REELD1: variants seen among roughly 807,000 people sequenced by gnomAD.
REELD1 encodes reelin domain-containing protein 1.
In REELD1, 12 loss-of-function variants were observed where a neutral mutation model predicts 6.3. That is an observed-to-expected ratio of 1.89 (90% CI 1.21 to 3.07). The LOEUF is 3.07. Among genes scored for constraint, REELD1 ranks in the 30% most tolerant of loss-of-function variants. REELD1 has a pLI of 0.00. For synonymous variants in REELD1, 57 were observed against 33.6 expected (o/e 1.70, Z -2.42); for missense variants, 163 against 86.8 (o/e 1.88, Z -3.49).
intron 3 of REELD1, 145 bp downstream of exon 3, chr4:146,217,305 ACTGTGTTGCC>A: frequency 5.1e-6 from 2 of 395,834 alleles, no homozygotes; most frequent in Non-Finnish European, 8.9e-6. Flanking sequence ...ATGGAGTCTC[ACTGTGTTGCC>A]CTGGCTGGTC....
intron 5 of REELD1, among the ~76,000 whole-genome samples, chr4:146,225,643 T>G (rs915268115): frequency 2.0e-5 from 3 of 152,196 alleles, no homozygotes; most frequent in Non-Finnish European, 4.4e-5. Context: ...GACATATGTT[T>G]GAAATCTCAT....
At chr4:146,229,357 C>T (rs1221176040) in intron 7 of REELD1, among the ~76,000 whole-genome samples, 3 of 152,216 alleles carry the variant, frequency 2.0e-5, no homozygotes, top group African/African-American at 7.2e-5. Flanking sequence ...TTCTCTCCTC[C>T]TCTATCCCTC....
chr4:146,225,630 C>T (rs965152737), intron 5 of REELD1, among the ~76,000 whole-genome samples: 10 of 152,158 alleles, frequency 6.6e-5, no homozygotes, highest in African/African-American at 1.9e-4. Flanking sequence ...ACCCTGCACC[C>T]CTGACATATG....
chr4:146,222,232 C>G, intron 3 of REELD1, 125 bp from the exon 4 acceptor site: 1 of 397,324 alleles, frequency 2.5e-6, no homozygotes, highest in Non-Finnish European at 4.4e-6. Flanking sequence ...ACTTTACCCC[C>G]CTCTAATGAA....
chr4:146,217,308 G>T, intron 3 of REELD1, 148 bp downstream of exon 3: 1 of 395,748 alleles, frequency 2.5e-6, no homozygotes, highest in Non-Finnish European at 4.4e-6. Context: ...GAGTCTCACT[G>T]TGTTGCCCTG....
chr4:146,231,702 C>G lies in REELD1; in HGVS notation c.*1189C>G, dbSNP rs1053989012. Reference sequence around the variant, plus strand: ...TTTGCGTATATCTTCACATTTAACTCTCACAAAAATTTAATGAGGAATAAG... The same window carrying G: ...TTTGCGTATATCTTCACATTTAACTGTCACAAAAATTTAATGAGGAATAAG... On this transcript the variant is annotated 3_prime_UTR_variant, in exon 8 of 8. Transcript: ENST00000623665. 4.6e-5 allele frequency among the ~76,000 whole-genome samples: 7 copies of G among 152,192 alleles called. No homozygotes were observed. Among genetic ancestry groups the G allele is most frequent in the African/African-American group, 7.2e-5 (3 of 41,452 alleles).
At chr4:146,217,407 T>A (rs1189167056) in intron 3 of REELD1, among the ~76,000 whole-genome samples, 1 of 142,298 alleles carries the variant, frequency 7.0e-6, no homozygotes, top group Non-Finnish European at 1.6e-5. Flanking sequence ...TGTGCCCTGC[T>A]AATTTTTTGT....
intron 5 of REELD1, 110 bp downstream of exon 5, chr4:146,224,718 A>G: frequency 1.5e-6 from 1 of 653,966 alleles, no homozygotes. Context: ...CAAAACAAGC[A>G]ATAAACACCT....
At position 146,222,300 on chromosome 4, in the gene REELD1, A is replaced by G. The variant is rs1730938147; in HGVS notation, c.209-57A>G. 7.5e-6 allele frequency: 3 copies of G among 398,252 alleles called. No individual in the cohort carries two copies. The Admixed American group carries it at 1.3e-4, about 18-fold the overall frequency. The allele number at this position is 398,252 out of a possible 1,614,324, so 24.7% of individuals were successfully genotyped here. On this transcript the variant is annotated intron_variant, in intron 3 of 7. Transcript: ENST00000623665. ...TTAGTTTTGAAAAAAGCTGCATAAA[A>G]TCACCACACGGAACTAAGTCACACG... is the stretch of plus-strand genomic sequence containing the variant.
intron 5 of REELD1, among the ~76,000 whole-genome samples, chr4:146,227,568 G>T (rs1221900150): frequency 6.6e-6 from 1 of 152,176 alleles, no homozygotes; most frequent in Admixed American, 6.5e-5. Context: ...AGAAACTAAT[G>T]CTCTGGGAGG....
At chr4:146,223,198 G>T (rs1730955745) in intron 4 of REELD1, among the ~76,000 whole-genome samples, 1 of 152,174 alleles carries the variant, frequency 6.6e-6, no homozygotes, top group Non-Finnish European at 1.5e-5. Flanking sequence ...TCGGGAAAGG[G>T]TGTGTGTTTC....
At chr4:146,221,185 C>T (rs1335070228) in intron 3 of REELD1, among the ~76,000 whole-genome samples, 1 of 152,218 alleles carries the variant, frequency 6.6e-6, no homozygotes, top group African/African-American at 2.4e-5. Context: ...CAGATGGACA[C>T]TCTGTACTGG....
intron 6 of REELD1, among the ~76,000 whole-genome samples, chr4:146,228,817 TA>T (rs1288248343): frequency 1.3e-5 from 2 of 152,142 alleles, no homozygotes; most frequent in Non-Finnish European, 2.9e-5. Context: ...ATATTTTATA[TA>T]AAATAATAAG....
At chr4:146,229,394 A>G (rs950656217) in intron 7 of REELD1, among the ~76,000 whole-genome samples, 6 of 152,176 alleles carry the variant, frequency 3.9e-5, no homozygotes, top group East Asian at 1.9e-4. Context: ...TCAAAATGCC[A>G]TGTATGGTCC....
At chr4:146,222,989 C>T (rs1417665886) in intron 4 of REELD1, among the ~76,000 whole-genome samples, 1 of 152,112 alleles carries the variant, frequency 6.6e-6, no homozygotes, top group Non-Finnish European at 1.5e-5. Context: ...GGCTCTGTGC[C>T]TTGGCTTGTT....
chr4:146,224,737 C>A, intron 5 of REELD1, 129 bp downstream of exon 5: 4 of 631,408 alleles, frequency 6.3e-6, no homozygotes, highest in Non-Finnish European at 1.2e-5. Flanking sequence ...CTGCCGTGGC[C>A]AACTGCAGCA....
At chr4:146,215,858 C>G (rs1045998877) in intron 2 of REELD1, among the ~76,000 whole-genome samples, 2 of 151,290 alleles carry the variant, frequency 1.3e-5, no homozygotes, top group African/African-American at 4.9e-5. Context: ...TCAAGCAATT[C>G]TCCTGCCTCA....
intron 4 of REELD1, 143 bp from the exon 5 acceptor site, chr4:146,224,302 A>T: frequency 2.4e-6 from 1 of 420,094 alleles, no homozygotes; most frequent in Non-Finnish European, 4.2e-6. Flanking sequence ...TAATAATATA[A>T]TCTCTCTCTC....
Position 146,217,032 on chromosome 4 carries a change from G to T in REELD1, c.80G>T (p.Gly27Val), listed in dbSNP as rs1332238425. The T allele has an allele frequency of 5.0e-6, 2 of 398,796 alleles. No homozygotes were observed. Among genetic ancestry groups the T allele is most frequent in the Non-Finnish European group, 8.8e-6 (2 of 226,294 alleles). The allele number at this position is 398,796 out of a possible 1,614,324, so 24.7% of individuals were successfully genotyped here. A position where few individuals can be genotyped will look rare whatever the true frequency, so the allele number is the denominator to read the frequency against. Residue 27 changes from glycine (G) to valine (V), a missense_variant, in exon 3 of 8, where the codon GGT (glycine) becomes GTT (valine). By Grantham distance (109) the Gly-to-Val change is moderately radical (BLOSUM62 -3). Coordinates refer to ENST00000623665, the MANE Select transcript of REELD1 (RefSeq NM_001354631.1). ...LASCSSAFSHGASTVACDDMQ... is the reference protein window; with the variant it reads ...LASCSSAFSHVASTVACDDMQ... ...TCCTGCTCATCTGCCTTTTCCCATGGTGCCAGCACGGTGGCCTGTGATGAC... is the reference window on the plus strand; with the variant it reads ...TCCTGCTCATCTGCCTTTTCCCATGTTGCCAGCACGGTGGCCTGTGATGAC...
Sources: allele counts gnomAD v4.1 joint callset (sites outside exome capture counted in the v4.1 genomes callset), GRCh38; gene constraint gnomAD v4.1.1; transcripts MANE v1.5; gene names NCBI Gene and HGNC (gene_info 2026-07-23, HGNC 2026-07-21).